The following TRABD variants were observed in gnomAD, a reference collection of about 807,000 sequenced individuals.
The protein encoded by TRABD is TraB domain containing.
A neutral mutation model predicts 39.6 loss-of-function variants in TRABD; 23 were observed. That is an observed-to-expected ratio of 0.58 (90% CI 0.42 to 0.82). TRABD has a LOEUF of 0.82. Among genes scored for constraint, TRABD ranks in the 40% least tolerant of loss-of-function variants. The pLI is 0.00. For missense variants in TRABD, 487 were observed against 544.9 expected, an observed-to-expected ratio of 0.89 and a Z score of 1.06; for synonymous variants, 243 against 232.1, an observed-to-expected ratio of 1.05 and a Z score of -0.43.
In TRABD at chr22:50,198,008, C is replaced by G. The variant is rs533773612; in HGVS notation, c.844+13C>G. ...CGGGCCTCTGACGGTGACGGCCGCC[C>G]GCAGGCGTGGGACCCCCTGTGAGGC... On this transcript the variant is annotated intron_variant, in intron 8 of 9. Coordinates refer to ENST00000380909, the MANE Select transcript of TRABD (RefSeq NM_001320485.2). The surrounding 1 kb of genome is among the most constrained non-coding windows in gnomAD (Gnocchi z 7.9). The G allele has an allele frequency of 1.2e-6, 2 of 1,610,728 alleles. No individual in the cohort carries two copies. The highest frequency in any genetic ancestry group is 1.1e-5 in the South Asian group (1 of 90,948).
intron 1 of TRABD, among the ~76,000 whole-genome samples, chr22:50,190,317 T>G (rs735119): frequency 0.79 from 120,861 of 152,146 alleles, 48,863 homozygotes; most frequent in African/African-American, 0.95. Flanking sequence ...TTCTCTGCCC[T>G]CCCTGACAGG....
At chr22:50,190,693 G>A (rs2063878201) in intron 1 of TRABD, 1 of 152,554 alleles carries the variant, frequency 6.6e-6, no homozygotes, top group Non-Finnish European at 1.5e-5. Context: ...CTGCTCCTAA[G>A]AGTTCTGGCT....
rs766383505 is a variant in TRABD, at chr22:50,197,444, T to C, written c.532-5T>C. ...CTGCTCCCCAACACCCAGCCTCTGCTCCAGGCCAGCAAGGTGCCTTTCTGC... is the reference window on the plus strand; with the variant it reads ...CTGCTCCCCAACACCCAGCCTCTGCCCCAGGCCAGCAAGGTGCCTTTCTGC... On this transcript the variant is annotated splice_region_variant and splice_polypyrimidine_tract_variant and intron_variant, in intron 6 of 9. Coordinates refer to ENST00000380909, the MANE Select transcript of TRABD (RefSeq NM_001320485.2). The C allele has an allele frequency of 6.2e-7, 1 of 1,613,684 alleles. No homozygotes were observed. Among genetic ancestry groups the C allele is most frequent in the Admixed American group, 1.7e-5 (1 of 60,010 alleles).
Position 50,194,365 on chromosome 22 carries a change from C to T in TRABD, c.138C>T (p.Leu46=), listed in dbSNP as rs2064019785. 1.2e-6 allele frequency: 2 copies of T among 1,612,920 alleles called. No individual in the cohort carries two copies. Among genetic ancestry groups the T allele is most frequent in the East Asian group, 2.2e-5 (1 of 44,880 alleles). ...NLSDVDAFNL[L]LEMKLKRRRQ... Reference sequence around the variant, plus strand: ...CCGACGTGGACGCCTTCAACCTGCTCCTGGAGATGAAGCTGAAGCGGCGGC... The same window carrying T: ...CCGACGTGGACGCCTTCAACCTGCTTCTGGAGATGAAGCTGAAGCGGCGGC... The change falls in exon 4 of 10, where the codon CTC becomes CTT. Residue 46 remains leucine (L), a synonymous_variant. Coordinates refer to ENST00000380909, the MANE Select transcript of TRABD (RefSeq NM_001320485.2).
At chr22:50,191,002 C>T (rs980239975) in intron 1 of TRABD, among the ~76,000 whole-genome samples, 2 of 152,212 alleles carry the variant, frequency 1.3e-5, no homozygotes, top group Non-Finnish European at 2.9e-5. Context: ...CTGTGAGGCC[C>T]CATAGGGGAG....
intron 2 of TRABD, among the ~76,000 whole-genome samples, 167 bp from the exon 3 acceptor site, chr22:50,193,409 C>T (rs1031442000): frequency 4.0e-4 from 60 of 151,598 alleles, no homozygotes; most frequent in Non-Finnish European, 2.9e-5. Context: ...GTCCCTTTCC[C>T]GGGTACGTGG....
chr22:50,188,907 A>G (rs923596379), intron 1 of TRABD, among the ~76,000 whole-genome samples: 7 of 152,228 alleles, frequency 4.6e-5, no homozygotes, highest in Non-Finnish European at 8.8e-5. Context: ...GCAGAGCCCT[A>G]ACGGATGGGC....
At chr22:50,193,298 C>T (rs562405006) in intron 2 of TRABD, among the ~76,000 whole-genome samples, 23 of 152,256 alleles carry the variant, frequency 1.5e-4, no homozygotes, top group Admixed American at 1.2e-3. Flanking sequence ...TGATGGCAGC[C>T]GTGCCAGTGA....
intron 2 of TRABD, 94 bp downstream of exon 2, chr22:50,193,187 C>A: frequency 1.4e-6 from 2 of 1,388,516 alleles, no homozygotes; most frequent in East Asian, 5.0e-5. Flanking sequence ...TGTTGTTCTG[C>A]AAAGGTGATC....
In TRABD at chr22:50,197,943, C is replaced by T. The variant is rs1337405620; in HGVS notation, c.792C>T (p.Thr264=). Residue 264 remains threonine (T), a synonymous_variant, in exon 8 of 10, where the codon ACC becomes ACT. Coordinates refer to ENST00000380909, the MANE Select transcript of TRABD (RefSeq NM_001320485.2). ...TIVSERDVYL[T]YMLRQAARRL... ...TCTCGGAGCGCGACGTCTACCTAAC[C>T]TACATGCTGCGCCAGGCCGCGCGGC... 6.2e-7 allele frequency: 1 copy of T among 1,612,866 alleles called. No homozygotes were observed. Among genetic ancestry groups the T allele is most frequent in the African/African-American group, 1.3e-5 (1 of 74,922 alleles).
At position 50,194,965 on chromosome 22, in the gene TRABD, G is replaced by A. The variant is rs201190852; in HGVS notation, c.345G>A (p.Leu115=). Residue 115 remains leucine, a synonymous_variant, in exon 5 of 10, where the codon CTG becomes CTA. Transcript: ENST00000380909. The part of the protein sequence containing the change: ...VELCQYRVSM[L]KMDESTLLRE... ...TCTGCCAATATCGTGTGTCCATGCT[G>A]AAGATGGACGAGAGCACGCTGCTGC... The A allele has an allele frequency of 3.7e-6, 6 of 1,612,578 alleles. No homozygotes were observed. In the Admixed American group the frequency reaches 8.3e-5, roughly 22 times the overall value.
chr22:50,192,912 G>T (rs2063956773), intron 1 of TRABD, 115 bp from the exon 2 acceptor site: 3 of 966,242 alleles, frequency 3.1e-6, no homozygotes, highest in Non-Finnish European at 4.7e-6. Flanking sequence ...TATGGGGGAA[G>T]GAGCCCCCAG....
Position 50,194,495 on chromosome 22 carries a change from G to A in TRABD, c.268G>A (p.Asp90Asn). ...CCACTTCAGCGACGACAGCAAGAGG[G>A]ACGTTGTGAAGGTGAGCGCCGCCAC... ...TAHFSDDSKR[D>N]VVKTIREVQP... is the part of the protein sequence containing the mutation. The change falls in exon 4 of 10, where the codon GAC (aspartate) becomes AAC (asparagine). Residue 90 changes from aspartate to asparagine, a missense_variant. Coordinates refer to ENST00000380909, the MANE Select transcript of TRABD (RefSeq NM_001320485.2). 1 of 1,579,852 alleles carries A rather than the reference G, an allele frequency of 6.3e-7. No homozygotes were observed. The highest frequency in any genetic ancestry group is 2.3e-5 in the East Asian group (1 of 42,718).
At chr22:50,189,201 T>G (rs2063831225) in intron 1 of TRABD, among the ~76,000 whole-genome samples, 1 of 152,092 alleles carries the variant, frequency 6.6e-6, no homozygotes, top group South Asian at 2.1e-4. Context: ...CATCTGAATG[T>G]GGCTTGTGCT....
chr22:50,195,050 C>G lies in TRABD; in HGVS notation c.420+10C>G. 2 of 1,574,472 alleles carry G rather than the reference C, an allele frequency of 1.3e-6. No homozygotes were observed. Among genetic ancestry groups the G allele is most frequent in the African/African-American group, 1.3e-5 (1 of 74,186 alleles). ...GCAGGCCGTGAGGCAGGTGCGCAGCCGCGGGCAAGGGTCAGGGTCAGGGTC... is the reference window on the plus strand; with the variant it reads ...GCAGGCCGTGAGGCAGGTGCGCAGCGGCGGGCAAGGGTCAGGGTCAGGGTC... On this transcript the variant is annotated intron_variant, in intron 5 of 9. Coordinates refer to ENST00000380909, the MANE Select transcript of TRABD (RefSeq NM_001320485.2).
chr22:50,188,410 G>A (rs1298279092), intron 1 of TRABD, among the ~76,000 whole-genome samples: 1 of 152,186 alleles, frequency 6.6e-6, no homozygotes, highest in Non-Finnish European at 1.5e-5. Flanking sequence ...CTCCCACCAT[G>A]CCTCACTGGT....
intron 1 of TRABD, among the ~76,000 whole-genome samples, chr22:50,187,701 T>C (rs2063796048): frequency 6.6e-6 from 1 of 152,170 alleles, no homozygotes. Context: ...CAGGCTGGGC[T>C]GGGTGTGGTG....
chr22:50,198,036 A>T lies in TRABD; in HGVS notation c.845-39A>T, dbSNP rs1471654911. On this transcript the variant is annotated intron_variant, in intron 8 of 9. Coordinates refer to ENST00000380909, the MANE Select transcript of TRABD (RefSeq NM_001320485.2). This position sits in a 1 kb window ranked among gnomAD's most constrained non-coding sequence, Gnocchi z 7.9. ...AGGCGTGGGACCCCCTGTGAGGCTG[A>T]GGCCCGAGCAGGTACTGACCCCTTG... The T allele has an allele frequency of 3.7e-6, 6 of 1,610,756 alleles. No homozygotes were observed. Among genetic ancestry groups the T allele is most frequent in the Non-Finnish European group, 5.1e-6 (6 of 1,178,620 alleles).
chr22:50,191,358 C>T (rs1188209643), intron 1 of TRABD, among the ~76,000 whole-genome samples: 2 of 152,200 alleles, frequency 1.3e-5, no homozygotes, highest in African/African-American at 4.8e-5. Context: ...GGTTAGGACA[C>T]CCAAGCTTGG....
Sources: gnomAD v4.1 joint callset for allele counts (sites outside exome capture counted in the v4.1 genomes callset) on GRCh38, gnomAD v4.1.1 for gene constraint, Gnocchi (gnomAD v3.1) non-coding constraint, MANE v1.5 for transcripts, NCBI Gene and HGNC (gene_info 2026-07-23, HGNC 2026-07-21) for gene names.